Variants in LRRC1 observed in about 807,000 individuals in gnomAD.
The protein encoded by LRRC1 is leucine rich repeat containing 1.
Under a neutral mutation model 69.9 loss-of-function variants are expected in LRRC1, and 28 were observed. The observed-to-expected ratio is 0.40, with a 90% CI of 0.30 to 0.55. The LOEUF is 0.55. Among genes scored for constraint, LRRC1 ranks in the 20% least tolerant of loss-of-function variants. The pLI is 0.47. For missense variants in LRRC1, 498 were observed against 609.0 expected, an observed-to-expected ratio of 0.82 and a Z score of 1.92; for synonymous variants, 236 against 240.2, an observed-to-expected ratio of 0.98 and a Z score of 0.16.
intron 2 of LRRC1, among the ~76,000 whole-genome samples, chr6:53,874,495 A>G (rs185871652): frequency 6.6e-6 from 1 of 152,272 alleles, no homozygotes; most frequent in Admixed American, 6.5e-5. Context: ...GTTTTTCACT[A>G]CCTCATTTGA....
At chr6:53,833,221 A>G (rs930339083) in intron 1 of LRRC1, among the ~76,000 whole-genome samples, 3 of 152,138 alleles carry the variant, frequency 2.0e-5, no homozygotes, top group African/African-American at 7.2e-5. Context: ...GCTTTTAGTA[A>G]AAGCTTCTTT....
chr6:53,904,609 T>C, intron 10 of LRRC1, 147 bp downstream of exon 10: 1 of 482,702 alleles, frequency 2.1e-6, no homozygotes, highest in Non-Finnish European at 3.7e-6. Context: ...TAGAGCCAAC[T>C]GGAGGAATTA....
chr6:53,799,722 G>C (rs1425132865), intron 1 of LRRC1, among the ~76,000 whole-genome samples: 1 of 152,144 alleles, frequency 6.6e-6, no homozygotes, highest in Non-Finnish European at 1.5e-5. Context: ...AGTCCCTTTT[G>C]CCTTAAACCA....
intron 13 of LRRC1, among the ~76,000 whole-genome samples, chr6:53,921,462 C>T (rs1768741188): frequency 6.6e-6 from 1 of 152,310 alleles, no homozygotes; most frequent in Admixed American, 6.5e-5. Context: ...GTGCCTTCTT[C>T]ATGTAACCAG....
intron 2 of LRRC1, among the ~76,000 whole-genome samples, chr6:53,877,919 T>C (rs1767127523): frequency 1.3e-5 from 2 of 152,166 alleles, no homozygotes; most frequent in Admixed American, 6.5e-5. Flanking sequence ...CCCACTCTAC[T>C]GGTACCAGTT....
Position 53,809,396 on chromosome 6 carries a change from G to T in LRRC1, c.159+13981G>T, listed in dbSNP as rs140021122. ...TTTTTGATAACTTCATTGCAAAATG[G>T]CAGGAGGAGGAAGGGGGCAGTGTTA... is the stretch of plus-strand genomic sequence containing the variant. On this transcript the variant is annotated intron_variant, in intron 1 of 13. Transcript: ENST00000370888. Among the ~76,000 whole-genome samples the T allele has an allele frequency of 2.0e-3, 303 of 152,274 alleles. 4 individuals carry two copies. The East Asian group carries it at 0.041, about 21-fold the overall frequency.
At position 53,875,723 on chromosome 6, in the gene LRRC1, G is replaced by A. The variant is rs573403016; in HGVS notation, c.278-3270G>A. ...ATCAGTGCTTTTGATAGAGTGATGG[G>A]ACTTGATGGTGGTAGTGGCGGTTTT... On this transcript the variant is annotated intron_variant, in intron 2 of 13. Transcript: ENST00000370888. 3.3e-5 allele frequency among the ~76,000 whole-genome samples: 5 copies of A among 152,282 alleles called. No individual in the cohort carries two copies. The South Asian group carries it at 8.3e-4, about 25-fold the overall frequency.
intron 1 of LRRC1, among the ~76,000 whole-genome samples, chr6:53,821,293 G>A (rs984721189): frequency 5.3e-5 from 8 of 152,116 alleles, no homozygotes; most frequent in African/African-American, 1.9e-4. Flanking sequence ...TGACTTTTCT[G>A]GGTCCTAGCA....
intron 12 of LRRC1, 89 bp downstream of exon 12, chr6:53,919,759 G>A: frequency 8.2e-7 from 1 of 1,224,086 alleles, no homozygotes; most frequent in Non-Finnish European, 1.1e-6. Flanking sequence ...TCCCTCATGT[G>A]ATTGTGTTAT....
chr6:53,912,551 T>G (rs1356978768), intron 10 of LRRC1, among the ~76,000 whole-genome samples: 1 of 152,176 alleles, frequency 6.6e-6, no homozygotes, highest in Admixed American at 6.5e-5. Flanking sequence ...AGTCTACATT[T>G]ACTTATATAT....
chr6:53,888,547 T>G (rs1767570334), intron 4 of LRRC1, among the ~76,000 whole-genome samples: 1 of 152,214 alleles, frequency 6.6e-6, no homozygotes, highest in African/African-American at 2.4e-5. Context: ...AGACTCATCT[T>G]AAGCCCCATC....
chr6:53,854,379 C>G (rs949401037), intron 2 of LRRC1, among the ~76,000 whole-genome samples: 3 of 152,110 alleles, frequency 2.0e-5, no homozygotes, highest in African/African-American at 7.2e-5. Flanking sequence ...AGTACATGTT[C>G]TTTGTTGAGA....
chr6:53,803,420 A>G (rs1177039432), intron 1 of LRRC1, among the ~76,000 whole-genome samples: 1 of 152,108 alleles, frequency 6.6e-6, no homozygotes, highest in African/African-American at 2.4e-5. Context: ...GCTTCATAAG[A>G]TAGTTCTGAG....
intron 2 of LRRC1, among the ~76,000 whole-genome samples, chr6:53,851,646 T>C (rs1464603618): frequency 6.6e-6 from 1 of 152,140 alleles, no homozygotes; most frequent in Non-Finnish European, 1.5e-5. Context: ...TGGCATCCTG[T>C]GGTGCAGTGA....
chr6:53,869,820 A>G (rs1052618037), intron 2 of LRRC1, among the ~76,000 whole-genome samples: 18 of 152,240 alleles, frequency 1.2e-4, no homozygotes, highest in Admixed American at 6.5e-5. Flanking sequence ...AACCCAATCT[A>G]ATCTTGGAAT....
chr6:53,912,360 A>C (rs574685798), intron 10 of LRRC1, among the ~76,000 whole-genome samples: 6 of 152,342 alleles, frequency 3.9e-5, no homozygotes, highest in Non-Finnish European at 7.4e-5. Context: ...ATCATTGGTA[A>C]GATTTAAAAA....
At chr6:53,857,537 A>G (rs1313366111) in intron 2 of LRRC1, among the ~76,000 whole-genome samples, 1 of 152,234 alleles carries the variant, frequency 6.6e-6, no homozygotes, top group African/African-American at 2.4e-5. Context: ...GGTGAAAAGA[A>G]ACTTGAGTAA....
chr6:53,865,036 A>G (rs908737508), intron 2 of LRRC1, among the ~76,000 whole-genome samples: 18 of 152,164 alleles, frequency 1.2e-4, no homozygotes, highest in African/African-American at 2.4e-5. Flanking sequence ...GCTGGAGCAC[A>G]GGCGCCAGCT....
intron 2 of LRRC1, among the ~76,000 whole-genome samples, chr6:53,873,736 A>G (rs1286197226): frequency 3.3e-5 from 5 of 152,184 alleles, no homozygotes; most frequent in Non-Finnish European, 7.3e-5. Context: ...AACAAGGACA[A>G]TTTAGCTTCT....
Sources: gnomAD v4.1 joint callset for allele counts (sites outside exome capture counted in the v4.1 genomes callset) on GRCh38, gnomAD v4.1.1 for gene constraint, MANE v1.5 for transcripts, NCBI Gene and HGNC (gene_info 2026-07-23, HGNC 2026-07-21) for gene names.